Variants in B3GNT9 observed in about 807,000 individuals in gnomAD.
B3GNT9 encodes the protein BGnT-9.
For missense variants in B3GNT9, 669 were observed against 599.2 expected (o/e 1.12, Z -1.22); for synonymous variants, 359 against 283.9 (o/e 1.26, Z -2.66).
rs980616799 is a variant in B3GNT9, at chr16:67,148,641, G to A, written c.*636C>T. 6.6e-6 allele frequency: 1 copy of A among 152,272 alleles called. No individual in the cohort carries two copies. Among genetic ancestry groups the A allele is most frequent in the Non-Finnish European group, 1.5e-5 (1 of 68,084 alleles). The allele number at this position is 152,272 out of a possible 1,614,324, so 9.4% of individuals were successfully genotyped here. A position where few individuals can be genotyped will look rare whatever the true frequency, so the allele number is the denominator to read the frequency against. ...GGGGAAGACATTCCTTGGCTCCTCT[G>A]AGGGGATACAGCCTCCAGTGGGAGA... On this transcript the variant is annotated 3_prime_UTR_variant, in exon 2 of 2. Coordinates refer to ENST00000449549, the MANE Select transcript of B3GNT9 (RefSeq NM_033309.3).
chr16:67,148,151 T>C lies in B3GNT9; in HGVS notation c.*1126A>G, dbSNP rs1359883213. On this transcript the variant is annotated 3_prime_UTR_variant, in exon 2 of 2. Coordinates refer to ENST00000449549, the MANE Select transcript of B3GNT9 (RefSeq NM_033309.3). The stretch of plus-strand genomic sequence containing the variant: ...TTTTGGTCTAGCAACTTGTGATACA[T>C]AGATGACAATTTTGTGAGTTTTTCA... 1 of 152,718 alleles carries C rather than the reference T, an allele frequency of 6.5e-6. No homozygotes were observed. The highest frequency in any genetic ancestry group is 1.5e-5 in the Non-Finnish European group (1 of 68,050). The allele number at this position is 152,718 out of a possible 1,614,324, so 9.5% of individuals were successfully genotyped here.
In B3GNT9 at chr16:67,150,120, G is replaced by T. The variant is rs750215161; in HGVS notation, c.366C>A (p.Val122=). ...GCTCGAAGTCCTCTGCCACCGACTT[G>T]ACAGCAATAAGCAGGTCCGGGCGGC... The part of the protein sequence containing the change: ...PGGRPDLLIA[V]KSVAEDFERR... Residue 122 remains valine, a synonymous_variant, in exon 2 of 2, where the codon GTC becomes GTA. Transcript: ENST00000449549. The T allele has an allele frequency of 2.0e-6, 3 of 1,496,192 alleles. No individual in the cohort carries two copies. The African/African-American group carries it at 4.4e-5, about 22-fold the overall frequency. The allele number at this position is 1,496,192 out of a possible 1,614,324, so 92.7% of individuals were successfully genotyped here.
rs753590870 is a variant in B3GNT9 at position 67,149,247 on chromosome 16, G to A, written c.*30C>T. On this transcript the variant is annotated 3_prime_UTR_variant, in exon 2 of 2. Transcript: ENST00000449549. ...GGGAAACCGGCTCCATTCTGGGTCT[G>A]AGTTAGGAGCTTGGGGCTGTAGTGG... is the stretch of plus-strand genomic sequence containing the variant. The A allele has an allele frequency of 3.3e-6, 5 of 1,515,068 alleles. No homozygotes were observed. Among genetic ancestry groups the A allele is most frequent in the Non-Finnish European group, 3.5e-6 (4 of 1,133,186 alleles). The allele number at this position is 1,515,068 out of a possible 1,614,324, so 93.9% of individuals were successfully genotyped here.
chr16:67,148,354 C>G lies in B3GNT9; in HGVS notation c.*923G>C, dbSNP rs2030289490. On this transcript the variant is annotated 3_prime_UTR_variant, in exon 2 of 2. Transcript: ENST00000449549. ...GACTTTTGTGACTGACTGGTGTCTT[C>G]CCATTTGGACTGTGGCCTGGCCAGA... 6.6e-6 allele frequency: 1 copy of G among 152,642 alleles called. No individual in the cohort carries two copies. Among genetic ancestry groups the G allele is most frequent in the African/African-American group, 2.4e-5 (1 of 41,422 alleles). 9.5% of individuals were successfully genotyped at this position (152,642 alleles called of 1,614,324 possible). A position where few individuals can be genotyped will look rare whatever the true frequency, so the allele number is the denominator to read the frequency against.
Position 67,149,182 on chromosome 16 carries a change from C to T in B3GNT9, c.*95G>A, listed in dbSNP as rs529872490. On this transcript the variant is annotated 3_prime_UTR_variant, in exon 2 of 2. Coordinates refer to ENST00000449549, the MANE Select transcript of B3GNT9 (RefSeq NM_033309.3). Reference sequence around the variant, plus strand: ...CCCTGGGATCCTGTGGAGACAGGCACCTGGTGATCAGGGAAGAACCACATA... The same window carrying T: ...CCCTGGGATCCTGTGGAGACAGGCATCTGGTGATCAGGGAAGAACCACATA... 1.2e-4 allele frequency: 171 copies of T among 1,452,086 alleles called. 1 individual carries two copies. The African/African-American group carries it at 2.3e-3, about 19-fold the overall frequency. 90.0% of individuals were successfully genotyped at this position (1,452,086 alleles called of 1,614,324 possible). A position where few individuals can be genotyped will look rare whatever the true frequency, so the allele number is the denominator to read the frequency against.
chr16:67,149,100 CG>C lies in B3GNT9; in HGVS notation c.*176del. ...GCTCGCTCAAAGGGTCACCATTACA[CG>C]GGTTTCAACTGGTTCCAGCAGGGTG... On this transcript the variant is annotated 3_prime_UTR_variant, in exon 2 of 2. Transcript: ENST00000449549. 1.5e-6 allele frequency: 2 copies of C among 1,325,022 alleles called. No homozygotes were observed. The highest frequency in any genetic ancestry group is 2.0e-6 in the Non-Finnish European group (2 of 1,014,324). The allele number at this position is 1,325,022 out of a possible 1,614,324, so 82.1% of individuals were successfully genotyped here.
In B3GNT9 at chr16:67,149,247, GAGTT is replaced by G. The variant is rs1284383029; in HGVS notation, c.*26_*29del. 1.3e-5 allele frequency: 19 copies of G among 1,514,950 alleles called. No individual in the cohort carries two copies. The highest frequency in any genetic ancestry group is 9.1e-5 in the East Asian group (4 of 43,730). The allele number at this position is 1,514,950 out of a possible 1,614,324, so 93.8% of individuals were successfully genotyped here. A position where few individuals can be genotyped will look rare whatever the true frequency, so the allele number is the denominator to read the frequency against. ...GGGAAACCGGCTCCATTCTGGGTCT[GAGTT>G]AGGAGCTTGGGGCTGTAGTGGGGAG... is the stretch of plus-strand genomic sequence containing the variant. On this transcript the variant is annotated 3_prime_UTR_variant, in exon 2 of 2. Transcript: ENST00000449549.
Position 67,150,649 on chromosome 16 carries a change from G to C in B3GNT9, c.-164C>G, listed in dbSNP as rs952592388. 9 of 507,684 alleles carry C rather than the reference G, an allele frequency of 1.8e-5. No homozygotes were observed. Among genetic ancestry groups the C allele is most frequent in the African/African-American group, 1.2e-4 (6 of 50,416 alleles). The allele number at this position is 507,684 out of a possible 1,614,324, so 31.4% of individuals were successfully genotyped here. A position where few individuals can be genotyped will look rare whatever the true frequency, so the allele number is the denominator to read the frequency against. On this transcript the variant is annotated 5_prime_UTR_variant, in exon 2 of 2. Coordinates refer to ENST00000449549, the MANE Select transcript of B3GNT9 (RefSeq NM_033309.3). ...GCGTTGTTCTCCTCCTCCCGGCCGT[G>C]TCGCACCGCCGGGACCGGCAGCCTG...
chr16:67,149,354 G>C lies in B3GNT9; in HGVS notation c.1132C>G (p.Leu378Val). The change falls in exon 2 of 2, where the codon CTG becomes GTG. Residue 378 changes from leucine (L) to valine (V), a missense_variant. Transcript: ENST00000449549. ...GCTGGCCCATGCGGCCCGTGCAGCAGGCGCCACATAAGCCAGATGTCAGCG... is the reference window on the plus strand; with the variant it reads ...GCTGGCCCATGCGGCCCGTGCAGCACGCGCCACATAAGCCAGATGTCAGCG... ...SAADIWLMWR[L>V]LHGPHGPACA... 6.2e-7 allele frequency: 1 copy of C among 1,602,960 alleles called. No individual in the cohort carries two copies. Among genetic ancestry groups the C allele is most frequent in the Non-Finnish European group, 8.5e-7 (1 of 1,175,134 alleles).
chr16:67,149,919 A>G lies in B3GNT9; in HGVS notation c.567T>C (p.Tyr189=), dbSNP rs1306845003. The G allele has an allele frequency of 1.9e-6, 3 of 1,602,032 alleles. No individual in the cohort carries two copies. Among genetic ancestry groups the G allele is most frequent in the East Asian group, 4.5e-5 (2 of 44,116 alleles). Residue 189 remains tyrosine (Y), a synonymous_variant, in exon 2 of 2, where the codon TAT becomes TAC. Coordinates refer to ENST00000449549, the MANE Select transcript of B3GNT9 (RefSeq NM_033309.3). The part of the protein sequence containing the change: ...RALLRAESLA[Y]ADILLWAFDD... ...CGAAGGCCCAGAGCAGGATGTCCGC[A>G]TACGCAAGGCTCTCGGCCCGCAGCA...
Position 67,150,422 on chromosome 16 carries a change from C to T in B3GNT9, c.64G>A (p.Gly22Ser). ...TCGCGCTGCGCATAGAGTAAGAGGC[C>T]CAGGGAGGCGCCAAGGAGCAGCGTG... ...LLTLLLGASL[G>S]LLLYAQRDGA... is the part of the protein sequence containing the mutation. Residue 22 changes from glycine to serine, a missense_variant, in exon 2 of 2, where the codon GGC becomes AGC. Transcript: ENST00000449549. 4.4e-6 allele frequency: 6 copies of T among 1,359,426 alleles called. No individual in the cohort carries two copies. The highest frequency in any genetic ancestry group is 5.7e-6 in the Non-Finnish European group (6 of 1,059,382). 84.2% of individuals were successfully genotyped at this position (1,359,426 alleles called of 1,614,324 possible). A position where few individuals can be genotyped will look rare whatever the true frequency, so the allele number is the denominator to read the frequency against.
rs2030276234 is a variant in B3GNT9 at position 67,148,253 on chromosome 16, G to T, written c.*1024C>A. 6.6e-6 allele frequency: 1 copy of T among 152,604 alleles called. No individual in the cohort carries two copies. Among genetic ancestry groups the T allele is most frequent in the African/African-American group, 2.4e-5 (1 of 41,434 alleles). 9.5% of individuals were successfully genotyped at this position (152,604 alleles called of 1,614,324 possible). On this transcript the variant is annotated 3_prime_UTR_variant, in exon 2 of 2. Transcript: ENST00000449549. ...ACAGCCTCATCCTGTATAGTTTAAT[G>T]ATGAATGTGCAGGGGACCTGTCTCA...
rs375461694 is a variant in B3GNT9 at position 67,149,239 on chromosome 16, C to T, written c.*38G>A. 4.0e-6 allele frequency: 6 copies of T among 1,507,798 alleles called. No homozygotes were observed. Among genetic ancestry groups the T allele is most frequent in the Non-Finnish European group, 5.3e-6 (6 of 1,129,694 alleles). 93.4% of individuals were successfully genotyped at this position (1,507,798 alleles called of 1,614,324 possible). A position where few individuals can be genotyped will look rare whatever the true frequency, so the allele number is the denominator to read the frequency against. On this transcript the variant is annotated 3_prime_UTR_variant, in exon 2 of 2. Transcript: ENST00000449549. ...AATAATCTGGGAAACCGGCTCCATT[C>T]TGGGTCTGAGTTAGGAGCTTGGGGC...
Position 67,149,550 on chromosome 16 carries a change from G to A in B3GNT9, c.936C>T (p.Phe312=), listed in dbSNP as rs926268442. The change falls in exon 2 of 2, where the codon TTC becomes TTT. Residue 312 remains phenylalanine, a synonymous_variant. Coordinates refer to ENST00000449549, the MANE Select transcript of B3GNT9 (RefSeq NM_033309.3). ...TGCCCAGAAAGACGTCGTCGATGGG[G>A]AAGAGCTCGACCTGCGCACAGGCGC... is the stretch of plus-strand genomic sequence containing the variant. ...LAGACAQVEL[F]PIDDVFLGMC... is the part of the protein sequence containing the mutation. 6.2e-7 allele frequency: 1 copy of A among 1,608,310 alleles called. No individual in the cohort carries two copies. Among genetic ancestry groups the A allele is most frequent in the Non-Finnish European group, 8.5e-7 (1 of 1,177,616 alleles).
chr16:67,150,413 G>GT lies in B3GNT9; in HGVS notation c.72dup (p.Leu25ThrfsTer59), dbSNP rs1292978824. The GT allele has an allele frequency of 4.4e-6, 6 of 1,365,408 alleles. No individual in the cohort carries two copies. Among genetic ancestry groups the GT allele is most frequent in the Non-Finnish European group, 5.6e-6 (6 of 1,062,736 alleles). 84.6% of individuals were successfully genotyped at this position (1,365,408 alleles called of 1,614,324 possible). A position where few individuals can be genotyped will look rare whatever the true frequency, so the allele number is the denominator to read the frequency against. On this transcript the variant is annotated frameshift_variant, in exon 2 of 2. Transcript: ENST00000449549. LOFTEE classifies it low-confidence loss of function (END_TRUNC). ...GCCGCGCCGTCGCGCTGCGCATAGA[G>GT]TAAGAGGCCCAGGGAGGCGCCAAGG...
Position 67,149,249 on chromosome 16 carries a change from G to A in B3GNT9, c.*28C>T, listed in dbSNP as rs758746608. On this transcript the variant is annotated 3_prime_UTR_variant, in exon 2 of 2. Transcript: ENST00000449549. ...GAAACCGGCTCCATTCTGGGTCTGA[G>A]TTAGGAGCTTGGGGCTGTAGTGGGG... The A allele has an allele frequency of 6.6e-7, 1 of 1,516,094 alleles. No homozygotes were observed. Among genetic ancestry groups the A allele is most frequent in the Non-Finnish European group, 8.8e-7 (1 of 1,133,622 alleles). The allele number at this position is 1,516,094 out of a possible 1,614,324, so 93.9% of individuals were successfully genotyped here.
At position 67,149,200 on chromosome 16, in the gene B3GNT9, ACC is replaced by A; in HGVS notation, c.*75_*76del. 1.3e-6 allele frequency: 2 copies of A among 1,481,870 alleles called. No individual in the cohort carries two copies. The highest frequency in any genetic ancestry group is 8.9e-7 in the Non-Finnish European group (1 of 1,117,536). 91.8% of individuals were successfully genotyped at this position (1,481,870 alleles called of 1,614,324 possible). On this transcript the variant is annotated 3_prime_UTR_variant, in exon 2 of 2. Coordinates refer to ENST00000449549, the MANE Select transcript of B3GNT9 (RefSeq NM_033309.3). ...ACAGGCACCTGGTGATCAGGGAAGA[ACC>A]ACATACACGGCAATAATCTGGGAAA...
rs934844205 is a variant in B3GNT9 at position 67,149,506 on chromosome 16, C to G, written c.980G>C (p.Arg327Pro). ...GGCAGGGTGAGGCTCGGGCGTGAGC[C>G]GCAGGCGCTGCAGACACATGCCCAG... ...VFLGMCLQRL[R>P]LTPEPHPAFR... is the part of the protein sequence containing the mutation. Residue 327 changes from arginine (R) to proline (P), a missense_variant, in exon 2 of 2, where the codon CGG becomes CCG. By Grantham distance (103) the Arg-to-Pro change is moderately radical (BLOSUM62 -2). Coordinates refer to ENST00000449549, the MANE Select transcript of B3GNT9 (RefSeq NM_033309.3). 6.2e-7 allele frequency: 1 copy of G among 1,608,386 alleles called. No homozygotes were observed. Among genetic ancestry groups the G allele is most frequent in the Non-Finnish European group, 8.5e-7 (1 of 1,177,804 alleles).
chr16:67,150,007 C>G lies in B3GNT9; in HGVS notation c.479G>C (p.Arg160Thr), dbSNP rs1187471518. 6.5e-7 allele frequency: 1 copy of G among 1,529,160 alleles called. No homozygotes were observed. Among genetic ancestry groups the G allele is most frequent in the East Asian group, 2.5e-5 (1 of 40,498 alleles). 94.7% of individuals were successfully genotyped at this position (1,529,160 alleles called of 1,614,324 possible). Residue 160 changes from arginine to threonine, a missense_variant, in exon 2 of 2, where the codon AGG becomes ACG. Physicochemically the swap from Arg to Thr is moderately conservative, Grantham distance 71. Transcript: ENST00000449549. ...VRRVFLLGVP[R>T]GAGSGGADEV... ...GTCGGCCCCGCCCGAGCCTGCGCCCCTGGGCACGCCCAGCAAGAACACGCG... is the reference window on the plus strand; with the variant it reads ...GTCGGCCCCGCCCGAGCCTGCGCCCGTGGGCACGCCCAGCAAGAACACGCG...
Sources: allele counts gnomAD v4.1 joint callset, GRCh38; gene constraint gnomAD v4.1.1; transcripts MANE v1.5; gene names NCBI Gene and HGNC (gene_info 2026-07-23, HGNC 2026-07-21).